Variants in BICD2 observed in about 807,000 individuals in gnomAD.
BICD2 encodes the protein protein bicaudal D homolog 2.
BICD2 carries 25 observed loss-of-function variants against 72.9 expected under a neutral mutation model. That is an observed-to-expected ratio of 0.34 (90% CI 0.25 to 0.48). The LOEUF (loss-of-function observed/expected upper bound fraction) is 0.48. BICD2 is among the 20% of genes least tolerant of loss of function. The pLI is 0.99. For missense variants in BICD2, 894 were observed against 1,175.2 expected (o/e 0.76, Z 3.50); for synonymous variants, 501 against 516.1 (o/e 0.97, Z 0.40).
chr9:92,734,793 GCCCA>G (rs1853747649), intron 1 of BICD2, among the ~76,000 whole-genome samples: 1 of 152,098 alleles, frequency 6.6e-6, no homozygotes, highest in Non-Finnish European at 1.5e-5. Flanking sequence ...ATGATCCCCT[GCCCA>G]CCCACAGGAG....
chr9:92,762,304 T>C (rs897501311), intron 1 of BICD2, among the ~76,000 whole-genome samples: 1 of 152,020 alleles, frequency 6.6e-6, no homozygotes, highest in Non-Finnish European at 1.5e-5. Context: ...AGCAAGAGCC[T>C]GTGTTGGCAT....
intron 1 of BICD2, among the ~76,000 whole-genome samples, chr9:92,744,435 A>C (rs1258962060): frequency 6.6e-6 from 1 of 152,204 alleles, no homozygotes; most frequent in African/African-American, 2.4e-5. Flanking sequence ...TGGTAGTTAC[A>C]TGGGTGTACT....
At chr9:92,726,447 G>A (rs1853569491) in intron 2 of BICD2, among the ~76,000 whole-genome samples, 1 of 152,156 alleles carries the variant, frequency 6.6e-6, no homozygotes, top group East Asian at 1.9e-4. Context: ...GACCCATGGG[G>A]TGTGAGCCTT....
At chr9:92,758,538 C>T (rs1335866873) in intron 1 of BICD2, among the ~76,000 whole-genome samples, 1 of 81,088 alleles carries the variant, frequency 1.2e-5, no homozygotes, top group Non-Finnish European at 2.2e-5. Context: ...GGCAACATAA[C>T]AAGACTCCGT....
chr9:92,725,879 G>C (rs1045235086), intron 2 of BICD2, among the ~76,000 whole-genome samples: 2 of 152,228 alleles, frequency 1.3e-5, no homozygotes, highest in African/African-American at 2.4e-5. Context: ...GAAAGATCTT[G>C]GTGTGTGTAT....
Position 92,717,655 on chromosome 9 carries a change from C to T in BICD2, c.2258+142G>A, listed in dbSNP as rs1022442794. 15 of 1,131,538 alleles carry T rather than the reference C, an allele frequency of 1.3e-5. No homozygotes were observed. In the African/African-American group the frequency reaches 1.7e-4, roughly 13 times the overall value. The allele number at this position is 1,131,538 out of a possible 1,614,324, so 70.1% of individuals were successfully genotyped here. A position where few individuals can be genotyped will look rare whatever the true frequency, so the allele number is the denominator to read the frequency against. ...CTTCCCCAACCTCGTACCATGCTGG[C>T]CCTGATGGAGCTGGGCACAGCCACT... On this transcript the variant is annotated intron_variant, in intron 6 of 6. Transcript: ENST00000356884.
At position 92,720,460 on chromosome 9, in the gene BICD2, T is replaced by C. The variant is rs2131502289; in HGVS notation, c.902A>G (p.Asn301Ser). ...GGCCAGGCCGCCGTGCTCAAAGCCA[T>C]TGACCAGGGCCTCGGCATCGTTGTT... The part of the protein sequence containing the change: ...EPNNDAEALV[N>S]GFEHGGLAKL... The change falls in exon 4 of 7, where the codon AAT (asparagine) becomes AGT (serine). Residue 301 changes from asparagine to serine, a missense_variant. Asn to Ser is a conservative substitution (Grantham distance 46, BLOSUM62 1). This residue lies in a region of BICD2 where 371 missense variants were observed against 439.1 expected (regional missense o/e 0.84). Transcript: ENST00000356884. The surrounding 1 kb of genome is among the most constrained non-coding windows in gnomAD (Gnocchi z 5.4). The C allele has an allele frequency of 1.2e-6, 2 of 1,614,220 alleles. No individual in the cohort carries two copies. Among genetic ancestry groups the C allele is most frequent in the Non-Finnish European group, 1.7e-6 (2 of 1,180,040 alleles).
intron 1 of BICD2, among the ~76,000 whole-genome samples, chr9:92,742,379 T>C (rs1339973260): frequency 2.1e-5 from 3 of 140,744 alleles, no homozygotes; most frequent in South Asian, 2.3e-4. Context: ...TCCACATTTC[T>C]TTTTTTTTTT....
intron 1 of BICD2, among the ~76,000 whole-genome samples, chr9:92,737,978 A>C (rs1050691281): frequency 6.6e-6 from 1 of 152,238 alleles, no homozygotes; most frequent in African/African-American, 2.4e-5. Context: ...CTCCCTCCTC[A>C]GCCACATAGG....
At chr9:92,719,619 G>A in intron 4 of BICD2, 37 bp from the exon 5 acceptor site, 3 of 1,539,476 alleles carry the variant, frequency 1.9e-6, no homozygotes, top group South Asian at 1.2e-5. Flanking sequence ...CATGTCAGTT[G>A]CTATGGACCC....
chr9:92,744,880 C>CA (rs1427776171), intron 1 of BICD2, among the ~76,000 whole-genome samples: 1 of 152,024 alleles, frequency 6.6e-6, no homozygotes, highest in Non-Finnish European at 1.5e-5. Flanking sequence ...TGCAGAATAG[C>CA]AAATGTACCC....
At chr9:92,737,151 T>C (rs956385168) in intron 1 of BICD2, among the ~76,000 whole-genome samples, 1 of 152,196 alleles carries the variant, frequency 6.6e-6, no homozygotes, top group Non-Finnish European at 1.5e-5. Flanking sequence ...GCTATGTGAC[T>C]GTGGTGGGCG....
intron 1 of BICD2, among the ~76,000 whole-genome samples, chr9:92,730,912 A>G (rs552403473): frequency 1.3e-5 from 2 of 152,348 alleles, no homozygotes; most frequent in Admixed American, 6.5e-5. Context: ...CTTCAAGGCA[A>G]TCGGGTCAGC....
intron 1 of BICD2, among the ~76,000 whole-genome samples, chr9:92,758,240 A>G (rs1471717650): frequency 6.8e-6 from 1 of 148,062 alleles, no homozygotes. Flanking sequence ...ATATGAATAA[A>G]TAAATAAATA....
At chr9:92,735,749 C>T (rs1853775724) in intron 1 of BICD2, among the ~76,000 whole-genome samples, 1 of 152,132 alleles carries the variant, frequency 6.6e-6, no homozygotes, top group African/African-American at 2.4e-5. Flanking sequence ...ACGAGCATGG[C>T]AGAAACAGTA....
At chr9:92,763,052 A>G (rs1854403256) in intron 1 of BICD2, among the ~76,000 whole-genome samples, 1 of 152,122 alleles carries the variant, frequency 6.6e-6, no homozygotes, top group Non-Finnish European at 1.5e-5. Flanking sequence ...GCGCCACTGG[A>G]GCATGCATTG....
At chr9:92,746,955 G>A (rs1854025989) in intron 1 of BICD2, among the ~76,000 whole-genome samples, 1 of 152,230 alleles carries the variant, frequency 6.6e-6, no homozygotes, top group South Asian at 2.1e-4. Context: ...TCAGCAGCCA[G>A]AGCTGCTCCG....
rs1441753302 is a variant in BICD2 at position 92,715,214 on chromosome 9, C to T, written c.2508G>A (p.Glu836=). 2.5e-6 allele frequency: 4 copies of T among 1,612,868 alleles called. No individual in the cohort carries two copies. Among genetic ancestry groups the T allele is most frequent in the South Asian group, 2.2e-5 (2 of 91,010 alleles). Residue 836 remains glutamate, a synonymous_variant, in exon 7 of 7, where the codon GAG becomes GAA. Transcript: ENST00000356884. ...ACACCTGGTTGGCCAGCCCGGTGCCCTCGGCCCTGTCGCTGGCACAGGCAC... is the reference window on the plus strand; with the variant it reads ...ACACCTGGTTGGCCAGCCCGGTGCCTTCGGCCCTGTCGCTGGCACAGGCAC... ...HTCACASDRA[E]GTGLANQVFC...
intron 1 of BICD2, among the ~76,000 whole-genome samples, chr9:92,754,083 T>C (rs1048428249): frequency 1.3e-5 from 2 of 150,882 alleles, no homozygotes; most frequent in African/African-American, 4.9e-5. Context: ...AGGCGGAGCT[T>C]GCAGTAAGCC....
Sources: gnomAD v4.1 joint callset for allele counts (sites outside exome capture counted in the v4.1 genomes callset) on GRCh38, gnomAD v4.1.1 for gene constraint, gnomAD v4.1.1 regional missense constraint, Gnocchi (gnomAD v3.1) non-coding constraint, MANE v1.5 for transcripts, NCBI Gene and HGNC (gene_info 2026-07-23, HGNC 2026-07-21) for gene names.